Variants in EDIL3 observed in about 807,000 individuals in gnomAD.
EDIL3 encodes EGF like and discoidin domains 3.
In EDIL3, 37 loss-of-function variants were observed where a neutral mutation model predicts 67.4. The ratio of observed to expected loss-of-function variants is 0.55; its 90% CI spans 0.42 to 0.72. The LOEUF (loss-of-function observed/expected upper bound fraction) is 0.72, where lower values mean the gene tolerates loss of function less well. Ranked by LOEUF, EDIL3 falls within the 30% of genes least tolerant of loss-of-function variation. EDIL3 has a pLI of 0.00. For synonymous variants in EDIL3, 195 were observed against 196.3 expected (o/e 0.99, Z 0.05); for missense variants, 527 against 586.3 (o/e 0.90, Z 1.04).
At chr5:84,333,875 G>C (rs7705261) in intron 1 of EDIL3, among the ~76,000 whole-genome samples, 150,701 of 152,166 alleles carry the variant, frequency 0.99, 74,682 homozygotes, top group Non-Finnish European at 1. Flanking sequence ...TCAAAGATAT[G>C]AAGGGTGTAA....
At chr5:84,318,886 G>A (rs1024244712) in intron 1 of EDIL3, among the ~76,000 whole-genome samples, 1 of 152,078 alleles carries the variant, frequency 6.6e-6, no homozygotes, top group South Asian at 2.1e-4. Flanking sequence ...CAGATTGGGA[G>A]AAAATTTTTG....
chr5:84,127,996 GT>G (rs1483791977), intron 5 of EDIL3, among the ~76,000 whole-genome samples: 3 of 152,130 alleles, frequency 2.0e-5, no homozygotes, highest in Admixed American at 2.0e-4. Context: ...AGTGAAAAAG[GT>G]TGCTGTGCCC....
chr5:84,352,768 A>T (rs1188716754), intron 1 of EDIL3, among the ~76,000 whole-genome samples: 1 of 152,172 alleles, frequency 6.6e-6, no homozygotes, highest in African/African-American at 2.4e-5. Context: ...ACACAACTGC[A>T]CTTATAGCCC....
At chr5:84,222,005 A>G (rs1377738317) in intron 3 of EDIL3, among the ~76,000 whole-genome samples, 1 of 151,996 alleles carries the variant, frequency 6.6e-6, no homozygotes, top group East Asian at 1.9e-4. Flanking sequence ...TATTTTCAAA[A>G]TGCGTGAGTT....
chr5:84,294,524 T>G (rs572488814), intron 1 of EDIL3, among the ~76,000 whole-genome samples: 262 of 152,204 alleles, frequency 1.7e-3, no homozygotes, highest in African/African-American at 6.0e-3. Context: ...ATTTTAGTTT[T>G]TTGGCAGATG....
chr5:84,074,263 A>G lies in EDIL3; in HGVS notation c.652-7657T>C, dbSNP rs1307215133. Among the ~76,000 whole-genome samples the G allele has an allele frequency of 4.0e-5, 6 of 148,654 alleles. No homozygotes were observed. In the East Asian group the frequency reaches 1.0e-3, roughly 25 times the overall value. On this transcript the variant is annotated intron_variant, in intron 6 of 10. Transcript: ENST00000296591. ...AAACACCCGAGAAGAAAACCTAGGC[A>G]TTACCATTCAGGACATAGGCATGGG...
intron 2 of EDIL3, among the ~76,000 whole-genome samples, chr5:84,238,665 GTTTTTTTT>G (rs3046880): frequency 2.0e-5 from 2 of 101,106 alleles, no homozygotes; most frequent in African/African-American, 7.7e-5. Context: ...AAAATTAAAT[GTTTTTTTT>G]TTTTTTTTTT....
intron 6 of EDIL3, among the ~76,000 whole-genome samples, chr5:84,081,708 T>C (rs1283086506): frequency 2.0e-5 from 3 of 151,918 alleles, no homozygotes; most frequent in East Asian, 3.9e-4. Flanking sequence ...AAATGGGCTG[T>C]ACAAAAGCAA....
chr5:84,184,557 C>A (rs1749066471), intron 3 of EDIL3, among the ~76,000 whole-genome samples: 1 of 152,174 alleles, frequency 6.6e-6, no homozygotes, highest in Non-Finnish European at 1.5e-5. Flanking sequence ...GCTAAACACA[C>A]AAGCCTGTGA....
intron 5 of EDIL3, among the ~76,000 whole-genome samples, chr5:84,133,626 C>T (rs1329991654): frequency 6.6e-6 from 1 of 151,262 alleles, no homozygotes; most frequent in Non-Finnish European, 1.5e-5. Flanking sequence ...GACTCCATCT[C>T]AAAATAAAGA....
chr5:84,099,336 C>G (rs1444045242), intron 6 of EDIL3, among the ~76,000 whole-genome samples: 1 of 152,070 alleles, frequency 6.6e-6, no homozygotes, highest in Non-Finnish European at 1.5e-5. Flanking sequence ...ATCACTCTAC[C>G]TGACTTCAAA....
chr5:84,050,066 C>T (rs534406849), intron 9 of EDIL3, among the ~76,000 whole-genome samples: 181 of 151,924 alleles, frequency 1.2e-3, no homozygotes, highest in African/African-American at 4.0e-3. Flanking sequence ...GGCATGGTGG[C>T]GCACGCCTGT....
intron 1 of EDIL3, among the ~76,000 whole-genome samples, chr5:84,286,827 C>T (rs1039995896): frequency 2.0e-5 from 3 of 152,256 alleles, no homozygotes; most frequent in Admixed American, 6.5e-5. Context: ...AGCTGTTCAG[C>T]ATTCAAGGTT....
intron 10 of EDIL3, among the ~76,000 whole-genome samples, chr5:83,952,569 A>G (rs1744441015): frequency 6.6e-6 from 1 of 151,816 alleles, no homozygotes; most frequent in Non-Finnish European, 1.5e-5. Flanking sequence ...AAGGGCATCT[A>G]CTTTTTTCTT....
intron 5 of EDIL3, 59 bp downstream of exon 5, chr5:84,137,182 C>CAT (rs375751851): frequency 0.088 from 73,335 of 833,020 alleles, 2,445 homozygotes; most frequent in Admixed American, 0.15. Context: ...TGTGTGTATA[C>CAT]ATACACACAC....
intron 9 of EDIL3, among the ~76,000 whole-genome samples, chr5:84,006,810 A>G (rs1344022948): frequency 6.6e-6 from 1 of 152,186 alleles, no homozygotes; most frequent in Non-Finnish European, 1.5e-5. Flanking sequence ...TTAACATTAT[A>G]AAATTTTAAA....
intron 10 of EDIL3, among the ~76,000 whole-genome samples, chr5:83,951,881 G>T (rs1744428579): frequency 6.6e-6 from 1 of 151,684 alleles, no homozygotes; most frequent in South Asian, 2.1e-4. Flanking sequence ...ATCCTATTCT[G>T]CCCAGTAGTA....
chr5:84,135,283 G>A (rs542188244), intron 5 of EDIL3, among the ~76,000 whole-genome samples: 13 of 152,140 alleles, frequency 8.5e-5, no homozygotes, highest in East Asian at 5.8e-4. Context: ...CTTCTCCCCC[G>A]CAATTGTTCC....
chr5:84,047,093 A>G (rs1746237536), intron 9 of EDIL3, among the ~76,000 whole-genome samples: 1 of 152,188 alleles, frequency 6.6e-6, no homozygotes, highest in African/African-American at 2.4e-5. Flanking sequence ...CAAAAAGTAT[A>G]AAGTCATTTA....
Sources: allele counts gnomAD v4.1 joint callset (sites outside exome capture counted in the v4.1 genomes callset), GRCh38; gene constraint gnomAD v4.1.1; transcripts MANE v1.5; gene names NCBI Gene and HGNC (gene_info 2026-07-23, HGNC 2026-07-21).